IL15: variants seen among roughly 807,000 people sequenced by gnomAD.
The protein encoded by IL15 is interleukin-15.
In IL15, 11 loss-of-function variants were observed where a neutral mutation model predicts 19.6. That is an observed-to-expected ratio of 0.56 (90% CI 0.35 to 0.93). The LOEUF (loss-of-function observed/expected upper bound fraction) is 0.93. Among genes scored for constraint, IL15 ranks in the 40% least tolerant of loss-of-function variants. IL15 has a pLI of 0.01. For synonymous variants in IL15, 58 were observed against 59.6 expected, an observed-to-expected ratio of 0.97 and a Z score of 0.12; for missense variants, 197 against 186.5, an observed-to-expected ratio of 1.06 and a Z score of -0.33.
intron 2 of IL15, among the ~76,000 whole-genome samples, chr4:141,709,493 G>A (rs1394744434): frequency 6.6e-6 from 1 of 152,142 alleles, no homozygotes; most frequent in Non-Finnish European, 1.5e-5. Flanking sequence ...CAGCTTTTAA[G>A]CCATTGGTAT....
intron 2 of IL15, among the ~76,000 whole-genome samples, chr4:141,674,192 T>G (rs1728266716): frequency 6.6e-6 from 1 of 152,222 alleles, no homozygotes; most frequent in Non-Finnish European, 1.5e-5. Context: ...TTGGTTTTTT[T>G]ATTCTCAACT....
At chr4:141,687,540 C>T (rs1728749636) in intron 2 of IL15, among the ~76,000 whole-genome samples, 1 of 152,156 alleles carries the variant, frequency 6.6e-6, no homozygotes, top group South Asian at 2.1e-4. Flanking sequence ...ATAGGCAGTG[C>T]AGGTGAGGAG....
chr4:141,702,035 G>A (rs984813696), intron 2 of IL15, among the ~76,000 whole-genome samples: 1 of 152,204 alleles, frequency 6.6e-6, no homozygotes, highest in Admixed American at 6.5e-5. Flanking sequence ...AACTCCAGTT[G>A]TGTCCGCAGT....
intron 1 of IL15, among the ~76,000 whole-genome samples, chr4:141,648,829 A>G (rs1230493738): frequency 1.3e-5 from 2 of 152,114 alleles, no homozygotes. Flanking sequence ...CAACTTATAA[A>G]GCATGGCTTC....
intron 1 of IL15, among the ~76,000 whole-genome samples, chr4:141,653,665 G>A (rs1382658957): frequency 6.6e-6 from 1 of 151,896 alleles, no homozygotes; most frequent in Non-Finnish European, 1.5e-5. Context: ...CTTTTCTATG[G>A]ATGTATAATA....
rs149749367 is a variant in IL15 at position 141,642,839 on chromosome 4, T to C, written c.-222+6091T>C. Reference sequence around the variant, plus strand: ...AACAGCTTTAATGTCTGTAAACTCATTTTTATGTGTCTGACTCTACACTTA... The same window carrying C: ...AACAGCTTTAATGTCTGTAAACTCACTTTTATGTGTCTGACTCTACACTTA... On this transcript the variant is annotated intron_variant, in intron 1 of 7. Transcript: ENST00000320650. Among the ~76,000 whole-genome samples the C allele has an allele frequency of 2.6e-3, 390 of 152,332 alleles. 4 individuals carry two copies. Among genetic ancestry groups the C allele is most frequent in the African/African-American group, 8.8e-3 (367 of 41,572 alleles).
intron 2 of IL15, among the ~76,000 whole-genome samples, chr4:141,674,459 G>A (rs537770279): frequency 2.6e-5 from 4 of 152,194 alleles, no homozygotes; most frequent in African/African-American, 9.6e-5. Context: ...GGTGGCACCT[G>A]CCTGTAATCC....
chr4:141,694,044 A>G (rs1212530869), intron 2 of IL15, among the ~76,000 whole-genome samples: 2 of 152,204 alleles, frequency 1.3e-5, no homozygotes, highest in Non-Finnish European at 2.9e-5. Flanking sequence ...GTGTTGAGAA[A>G]GTTTAAAAAG....
At chr4:141,647,522 G>A (rs1267549495) in intron 1 of IL15, among the ~76,000 whole-genome samples, 1 of 151,936 alleles carries the variant, frequency 6.6e-6, no homozygotes, top group East Asian at 1.9e-4. Context: ...GATGGCTTAG[G>A]GTCACATAAG....
At chr4:141,704,655 T>C in intron 2 of IL15, 1 of 315,602 alleles carries the variant, frequency 3.2e-6, no homozygotes, top group Non-Finnish European at 6.5e-6. Context: ...AATTCAGCAG[T>C]GAAGCTTTCA....
chr4:141,638,703 T>C (rs1726942844), intron 1 of IL15, among the ~76,000 whole-genome samples: 1 of 152,132 alleles, frequency 6.6e-6, no homozygotes, highest in Non-Finnish European at 1.5e-5. Context: ...ATTTTGGAAG[T>C]GGAAGGTTTT....
chr4:141,708,688 C>T (rs752056444), intron 2 of IL15, among the ~76,000 whole-genome samples: 5 of 152,096 alleles, frequency 3.3e-5, no homozygotes, highest in Non-Finnish European at 5.9e-5. Flanking sequence ...ACTTGCTCTC[C>T]TCTCTATGGT....
chr4:141,658,227 C>T (rs1279929845), intron 2 of IL15, among the ~76,000 whole-genome samples: 5 of 152,208 alleles, frequency 3.3e-5, no homozygotes, highest in African/African-American at 1.2e-4. Context: ...CACATGCCTG[C>T]TTCCACTTCA....
intron 1 of IL15, among the ~76,000 whole-genome samples, chr4:141,641,303 A>T (rs138262415): frequency 6.6e-6 from 1 of 152,226 alleles, no homozygotes; most frequent in Admixed American, 6.5e-5. Flanking sequence ...AATTAATCAA[A>T]GGAACCATTA....
chr4:141,704,165 C>T (rs1729431143), intron 2 of IL15, among the ~76,000 whole-genome samples: 1 of 152,120 alleles, frequency 6.6e-6, no homozygotes, highest in African/African-American at 2.4e-5. Flanking sequence ...GCAATTCCCC[C>T]TTCAGTATGA....
intron 3 of IL15, 104 bp downstream of exon 3, chr4:141,719,580 T>C: frequency 1.1e-6 from 1 of 898,362 alleles, no homozygotes; most frequent in Non-Finnish European, 1.7e-6. Context: ...CCAAAGATCT[T>C]GAGATATCAC....
Position 141,684,915 on chromosome 4 carries a change from C to T in IL15, c.-100+28608C>T, listed in dbSNP as rs564754820. ...GTTTGTAGTTTAATATTTATTGTATCTCCTCTATAAAACTGAGCTTACAGT... is the reference window on the plus strand; with the variant it reads ...GTTTGTAGTTTAATATTTATTGTATTTCCTCTATAAAACTGAGCTTACAGT... On this transcript the variant is annotated intron_variant, in intron 2 of 7. Coordinates refer to ENST00000320650, the MANE Select transcript of IL15 (RefSeq NM_000585.5). 1.3e-3 allele frequency among the ~76,000 whole-genome samples: 202 copies of T among 151,464 alleles called. 2 individuals are homozygous for T. Among genetic ancestry groups the T allele is most frequent in the Non-Finnish European group, 2.5e-3 (170 of 67,886 alleles).
At chr4:141,721,825 C>A in intron 4 of IL15, 99 bp from the exon 5 acceptor site, 1 of 1,047,130 alleles carries the variant, frequency 9.5e-7, no homozygotes, top group Admixed American at 2.3e-5. Context: ...GATTTTTTCA[C>A]TGGTCAGAAT....
intron 2 of IL15, among the ~76,000 whole-genome samples, chr4:141,673,494 C>A (rs1302344685): frequency 6.6e-6 from 1 of 152,138 alleles, no homozygotes; most frequent in Non-Finnish European, 1.5e-5. Flanking sequence ...CACTCTCCTA[C>A]CTACTTTGAC....
Sources: gnomAD v4.1 joint callset for allele counts (sites outside exome capture counted in the v4.1 genomes callset) on GRCh38, gnomAD v4.1.1 for gene constraint, MANE v1.5 for transcripts, NCBI Gene and HGNC (gene_info 2026-07-23, HGNC 2026-07-21) for gene names.